SLC9A9: variants seen among roughly 807,000 people sequenced by gnomAD.
SLC9A9 encodes sodium/hydrogen exchanger 9.
In SLC9A9, 62 loss-of-function variants were observed where a neutral mutation model predicts 77.8. That is an observed-to-expected ratio of 0.80 (90% CI 0.65 to 0.98). The LOEUF is 0.98. Among genes scored for constraint, SLC9A9 ranks in the 50% least tolerant of loss-of-function variants. The pLI is 0.00. For missense variants in SLC9A9, 775 were observed against 774.9 expected (o/e 1.00, Z 0.00); for synonymous variants, 320 against 283.5 (o/e 1.13, Z -1.29).
intron 7 of SLC9A9, among the ~76,000 whole-genome samples, chr3:143,576,078 C>G (rs1227326354): frequency 6.6e-6 from 1 of 152,230 alleles, no homozygotes; most frequent in Non-Finnish European, 1.5e-5. Context: ...ATATGTTACA[C>G]CTTCCCCTCA....
intron 13 of SLC9A9, among the ~76,000 whole-genome samples, chr3:143,379,427 C>T (rs1250180970): frequency 6.6e-6 from 1 of 152,214 alleles, no homozygotes; most frequent in Non-Finnish European, 1.5e-5. Flanking sequence ...GTTTCCTGTA[C>T]TTGATACTGA....
intron 5 of SLC9A9, among the ~76,000 whole-genome samples, chr3:143,657,701 T>TG (rs1318659093): frequency 2.0e-5 from 3 of 152,160 alleles, no homozygotes; most frequent in Non-Finnish European, 2.9e-5. Context: ...TGCAGAAATG[T>TG]GAAACAATGC....
At chr3:143,546,259 C>T (rs1212075942) in intron 9 of SLC9A9, among the ~76,000 whole-genome samples, 2 of 152,162 alleles carry the variant, frequency 1.3e-5, no homozygotes, top group African/African-American at 4.8e-5. Context: ...TGCATTGCTG[C>T]TTTTCCATTC....
intron 12 of SLC9A9, among the ~76,000 whole-genome samples, chr3:143,454,306 T>C (rs900790148): frequency 1.1e-4 from 16 of 152,226 alleles, no homozygotes; most frequent in Non-Finnish European, 4.4e-5. Context: ...CTTTGTATTT[T>C]CATTCTCTGA....
chr3:143,474,026 T>G (rs373039450), intron 11 of SLC9A9, among the ~76,000 whole-genome samples: 4 of 152,022 alleles, frequency 2.6e-5, no homozygotes, highest in African/African-American at 4.8e-5. Context: ...GGAGGGATGT[T>G]AGCATGGTTA....
At chr3:143,836,866 T>A (rs1481766937) in intron 1 of SLC9A9, among the ~76,000 whole-genome samples, 1 of 152,184 alleles carries the variant, frequency 6.6e-6, no homozygotes, top group Non-Finnish European at 1.5e-5. Flanking sequence ...TATTAAAATA[T>A]CTTAACCTAC....
intron 12 of SLC9A9, among the ~76,000 whole-genome samples, chr3:143,461,607 A>C (rs1399514012): frequency 6.6e-6 from 1 of 152,172 alleles, no homozygotes; most frequent in African/African-American, 2.4e-5. Context: ...TGAGGAATAA[A>C]GACATTAAAT....
intron 14 of SLC9A9, among the ~76,000 whole-genome samples, chr3:143,288,695 T>C (rs529463421): frequency 4.5e-4 from 68 of 152,244 alleles, no homozygotes; most frequent in African/African-American, 1.6e-3. Flanking sequence ...CACAAAGACA[T>C]TTTTCTTCTT....
At chr3:143,780,350 T>C (rs2007831847) in intron 4 of SLC9A9, among the ~76,000 whole-genome samples, 1 of 152,146 alleles carries the variant, frequency 6.6e-6, no homozygotes. Context: ...CGTTGGCACA[T>C]TACATGCAAC....
At chr3:143,827,523 C>T (rs2108885774) in intron 2 of SLC9A9, among the ~76,000 whole-genome samples, 1 of 152,256 alleles carries the variant, frequency 6.6e-6, no homozygotes, top group Non-Finnish European at 1.5e-5. Context: ...AATCACAGTA[C>T]ATTGCTGTTT....
intron 9 of SLC9A9, among the ~76,000 whole-genome samples, chr3:143,529,798 G>T (rs961726612): frequency 6.6e-6 from 1 of 152,152 alleles, no homozygotes; most frequent in Non-Finnish European, 1.5e-5. Flanking sequence ...TTGAAAAATG[G>T]AAGACTAGGA....
chr3:143,626,432 A>G (rs1414778785), intron 6 of SLC9A9, among the ~76,000 whole-genome samples: 1 of 152,246 alleles, frequency 6.6e-6, no homozygotes, highest in Non-Finnish European at 1.5e-5. Context: ...AATATTATGC[A>G]GCCATAAAAA....
intron 4 of SLC9A9, among the ~76,000 whole-genome samples, chr3:143,708,363 A>G (rs1412074484): frequency 6.6e-6 from 1 of 152,130 alleles, no homozygotes; most frequent in Admixed American, 6.6e-5. Flanking sequence ...GGTCACATTC[A>G]CTAAAGGCAC....
intron 14 of SLC9A9, among the ~76,000 whole-genome samples, chr3:143,328,260 T>C (rs1386907736): frequency 6.6e-6 from 1 of 152,180 alleles, no homozygotes; most frequent in African/African-American, 2.4e-5. Flanking sequence ...ACATATGGAG[T>C]ATATGGCAAC....
At position 143,382,088 on chromosome 3, in the gene SLC9A9, A is replaced by G. The variant is rs1439983491; in HGVS notation, c.1496T>C (p.Leu499Pro). 6.2e-7 allele frequency: 1 copy of G among 1,614,140 alleles called. No individual in the cohort carries two copies. Among genetic ancestry groups the G allele is most frequent in the South Asian group, 1.1e-5 (1 of 91,084 alleles). ...IRVGVDLDEN[L>P]KEDPSSQHQE... The stretch of plus-strand genomic sequence containing the variant: ...GTGTTGTGAGGAGGGGTCCTCCTTC[A>G]GATTTTCATCCAGGTCCACGCCAAC... Residue 499 changes from leucine to proline, a missense_variant, in exon 13 of 16, where the codon CTG (leucine) becomes CCG (proline). Leu to Pro is a moderately conservative substitution (Grantham distance 98). Transcript: ENST00000316549.
At chr3:143,543,777 T>TTTTTTTTTTTTTTTTTTTTTTTTTTTTG (rs1203062088) in intron 9 of SLC9A9, among the ~76,000 whole-genome samples, 3 of 152,248 alleles carry the variant, frequency 2.0e-5, no homozygotes, top group Admixed American at 6.5e-5. Flanking sequence ...ACATTTTCTT[T>TTTTTTTTTTTTTTTTTTTTTTTTTTTTG]ATCCAGTCCA....
chr3:143,734,312 G>C (rs971266871), intron 4 of SLC9A9, among the ~76,000 whole-genome samples: 2 of 152,160 alleles, frequency 1.3e-5, no homozygotes, highest in African/African-American at 2.4e-5. Flanking sequence ...AAAGTTACAT[G>C]GCTTATACAC....
At chr3:143,817,138 T>A (rs1341168439) in intron 2 of SLC9A9, among the ~76,000 whole-genome samples, 1 of 100,162 alleles carries the variant, frequency 1.0e-5, no homozygotes, top group Non-Finnish European at 2.0e-5. Context: ...AGTTTATTTT[T>A]TTTTTTATTT....
In SLC9A9 at chr3:143,565,241, C is replaced by A. The variant is rs1321523150; in HGVS notation, c.1000+8847G>T. Among the ~76,000 whole-genome samples the A allele has an allele frequency of 5.3e-5, 8 of 152,276 alleles. No homozygotes were observed. The East Asian group carries it at 1.5e-3, about 29-fold the overall frequency. On this transcript the variant is annotated intron_variant, in intron 8 of 15. Transcript: ENST00000316549. The stretch of plus-strand genomic sequence containing the variant: ...CTTGTATTCTCCATTTTGGTGAAAT[C>A]AACCACTGACCCAACAGACATAAAA...
Sources: allele counts gnomAD v4.1 joint callset (sites outside exome capture counted in the v4.1 genomes callset), GRCh38; gene constraint gnomAD v4.1.1; transcripts MANE v1.5; gene names NCBI Gene and HGNC (gene_info 2026-07-23, HGNC 2026-07-21).